The following GPC6 variants were observed in gnomAD, a reference collection of about 807,000 sequenced individuals.
The protein encoded by GPC6 is glypican-6.
GPC6 carries 14 observed loss-of-function variants against 55.2 expected under a neutral mutation model. That is an observed-to-expected ratio of 0.25 (90% confidence interval 0.17 to 0.40). The LOEUF is 0.40. Among genes scored for constraint, GPC6 ranks in the 10% least tolerant of loss-of-function variants. The pLI, the probability that GPC6 is intolerant of heterozygous loss-of-function variation, is 1.00. For synonymous variants in GPC6, 278 were observed against 259.6 expected (o/e 1.07, Z -0.68); for missense variants, 641 against 708.5 (o/e 0.90, Z 1.08).
intron 2 of GPC6, among the ~76,000 whole-genome samples, chr13:93,789,482 A>ACTCTCTCTCTCTCT (rs766627327): frequency 1.7e-5 from 1 of 59,620 alleles, no homozygotes; most frequent in African/African-American, 6.4e-5. Flanking sequence ...ATGTGAGTGA[A>ACTCTCTCTCTCTCT]CTCTCTCTCT....
At chr13:94,262,484 C>T (rs1243105312) in intron 4 of GPC6, among the ~76,000 whole-genome samples, 1 of 152,000 alleles carries the variant, frequency 6.6e-6, no homozygotes, top group Non-Finnish European at 1.5e-5. Flanking sequence ...ACCAGCCTGG[C>T]CAACATGGTG....
chr13:93,902,087 T>A (rs1385135211), intron 3 of GPC6, among the ~76,000 whole-genome samples: 6 of 152,052 alleles, frequency 3.9e-5, no homozygotes, highest in African/African-American at 1.2e-4. Context: ...TTCTCTCTTT[T>A]AGCTATTTTA....
intron 4 of GPC6, among the ~76,000 whole-genome samples, chr13:94,252,860 G>A (rs1035461296): frequency 6.6e-6 from 1 of 151,818 alleles, no homozygotes; most frequent in Admixed American, 6.6e-5. Context: ...GATATGATAG[G>A]CTCTCTAGAA....
At chr13:93,326,958 G>A (rs2139131253) in intron 1 of GPC6, among the ~76,000 whole-genome samples, 1 of 152,250 alleles carries the variant, frequency 6.6e-6, no homozygotes, top group East Asian at 1.9e-4. Context: ...AAAAGCTGTA[G>A]GTGTTATTGG....
At chr13:94,152,395 C>T (rs1271802431) in intron 4 of GPC6, among the ~76,000 whole-genome samples, 4 of 152,152 alleles carry the variant, frequency 2.6e-5, no homozygotes, top group African/African-American at 9.7e-5. Context: ...TGCTGCTTCT[C>T]AATCTCCCAA....
chr13:93,323,511 G>T (rs75190172), intron 1 of GPC6, among the ~76,000 whole-genome samples: 2,622 of 152,132 alleles, frequency 0.017, 111 homozygotes, highest in Admixed American at 0.098. Context: ...TGCCTCAGTT[G>T]CCAGTTTTCA....
chr13:93,378,349 T>TA (rs1295546823), intron 1 of GPC6, among the ~76,000 whole-genome samples: 1 of 152,210 alleles, frequency 6.6e-6, no homozygotes, highest in Admixed American at 6.5e-5. Flanking sequence ...GCGTTTCTTC[T>TA]ATGACAACAT....
At chr13:93,749,450 A>C (rs1884504448) in intron 2 of GPC6, among the ~76,000 whole-genome samples, 1 of 151,778 alleles carries the variant, frequency 6.6e-6, no homozygotes. Context: ...ATAATCTTTG[A>C]TATATGCTAC....
At chr13:94,309,915 C>T (rs1178751576) in intron 6 of GPC6, among the ~76,000 whole-genome samples, 1 of 152,176 alleles carries the variant, frequency 6.6e-6, no homozygotes, top group Non-Finnish European at 1.5e-5. Context: ...ATTGTTTGTA[C>T]TCAGGAAGAG....
intron 1 of GPC6, among the ~76,000 whole-genome samples, chr13:93,332,153 G>A (rs1040128013): frequency 2.0e-5 from 3 of 152,008 alleles, no homozygotes; most frequent in Admixed American, 6.6e-5. Flanking sequence ...AGTGAATAGT[G>A]CAACAATAAA....
At chr13:93,828,484 A>G (rs1887352073) in intron 2 of GPC6, among the ~76,000 whole-genome samples, 1 of 152,148 alleles carries the variant, frequency 6.6e-6, no homozygotes, top group African/African-American at 2.4e-5. Context: ...CATACAGCAT[A>G]TATAAATATT....
chr13:94,232,500 A>G (rs1890759985), intron 4 of GPC6, among the ~76,000 whole-genome samples: 2 of 152,146 alleles, frequency 1.3e-5, no homozygotes, highest in South Asian at 4.1e-4. Flanking sequence ...AATTTTTACC[A>G]AAGCAATTGC....
At chr13:94,118,249 G>T (rs1251133007) in intron 4 of GPC6, among the ~76,000 whole-genome samples, 1 of 152,050 alleles carries the variant, frequency 6.6e-6, no homozygotes, top group Non-Finnish European at 1.5e-5. Context: ...GATAGTGAGT[G>T]AGTTCTCACA....
At chr13:93,619,499 A>G (rs9561412) in intron 2 of GPC6, among the ~76,000 whole-genome samples, 10,595 of 152,096 alleles carry the variant, frequency 0.07, 1,198 homozygotes, top group African/African-American at 0.23. Flanking sequence ...GTCACCCAGG[A>G]TAGAGTTCAG....
At chr13:94,291,427 T>C (rs951141608) in intron 5 of GPC6, among the ~76,000 whole-genome samples, 8 of 152,096 alleles carry the variant, frequency 5.3e-5, no homozygotes, top group Admixed American at 3.3e-4. Context: ...AAGACGGAGT[T>C]AAGGAAGAAC....
chr13:93,816,625 T>C (rs964820919), intron 2 of GPC6, among the ~76,000 whole-genome samples: 2 of 149,510 alleles, frequency 1.3e-5, no homozygotes, highest in Non-Finnish European at 3.0e-5. Flanking sequence ...ATAATATTTG[T>C]TTTTTTTTCA....
intron 4 of GPC6, among the ~76,000 whole-genome samples, chr13:94,221,889 A>G (rs909051257): frequency 1.3e-5 from 2 of 152,104 alleles, no homozygotes; most frequent in Non-Finnish European, 2.9e-5. Context: ...TTAAACAGCC[A>G]TTGGATATCA....
At chr13:93,326,982 A>T (rs1879680844) in intron 1 of GPC6, among the ~76,000 whole-genome samples, 1 of 152,184 alleles carries the variant, frequency 6.6e-6, no homozygotes, top group Admixed American at 6.5e-5. Context: ...TCACTGGTTG[A>T]TTGCCTCGCT....
intron 4 of GPC6, among the ~76,000 whole-genome samples, chr13:94,220,217 C>T (rs1289343435): frequency 6.6e-6 from 1 of 152,124 alleles, no homozygotes; most frequent in Non-Finnish European, 1.5e-5. Context: ...AACCCCTCTT[C>T]CCTGGACACA....
Sources: gnomAD v4.1 joint callset for allele counts (sites outside exome capture counted in the v4.1 genomes callset) on GRCh38, gnomAD v4.1.1 for gene constraint, MANE v1.5 for transcripts, NCBI Gene and HGNC (gene_info 2026-07-23, HGNC 2026-07-21) for gene names.